The following ADGRD1 variants were observed in gnomAD, a reference collection of about 807,000 sequenced individuals.
ADGRD1 encodes the protein adhesion G protein-coupled receptor D1, also known as G-protein coupled receptor 133.
In ADGRD1, 77 loss-of-function variants were observed where a neutral mutation model predicts 113.4. The ratio of observed to expected loss-of-function variants is 0.68; its 90% CI spans 0.57 to 0.82. The LOEUF is 0.82. Ranked by LOEUF, ADGRD1 falls within the 40% of genes least tolerant of loss-of-function variation. ADGRD1 has a pLI of 0.00. For synonymous variants in ADGRD1, 474 were observed against 475.0 expected, an observed-to-expected ratio of 1.00 and a Z score of 0.03; for missense variants, 1,036 against 1,139.1, an observed-to-expected ratio of 0.91 and a Z score of 1.30.
intron 13 of ADGRD1, among the ~76,000 whole-genome samples, chr12:131,074,214 A>G (rs1036657186): frequency 6.6e-6 from 1 of 152,126 alleles, no homozygotes; most frequent in Non-Finnish European, 1.5e-5. Flanking sequence ...TTGTTGGAGC[A>G]CATCTCAGAT....
At chr12:131,033,250 G>A (rs1219977620) in intron 13 of ADGRD1, among the ~76,000 whole-genome samples, 2 of 151,862 alleles carry the variant, frequency 1.3e-5, no homozygotes, top group African/African-American at 4.8e-5. Context: ...TCTTGTTTTT[G>A]TGTGGCAGGG....
chr12:131,104,802 T>C, intron 15 of ADGRD1, 29 bp from the exon 16 acceptor site: 2 of 1,507,402 alleles, frequency 1.3e-6, no homozygotes, highest in Non-Finnish European at 1.8e-6. Context: ...CTGGGCCTGC[T>C]GCTGACGCCT....
intron 13 of ADGRD1, among the ~76,000 whole-genome samples, chr12:131,015,360 ATGCAGAGGGGACTGGAAT>A: frequency 6.6e-6 from 1 of 151,300 alleles, no homozygotes; most frequent in African/African-American, 2.4e-5. Context: ...GGGAATGGAG[ATGCAGAGGGGACTGGAAT>A]TGGAGATTGA....
chr12:131,029,763 T>C (rs10773837), intron 13 of ADGRD1, among the ~76,000 whole-genome samples: 1,543 of 6,650 alleles, frequency 0.23, 2 homozygotes, highest in Middle Eastern at 0.42. Context: ...GTGGACCCCT[T>C]GTTCGGTGAC....
chr12:131,082,353 A>G (rs1489243056), intron 14 of ADGRD1, among the ~76,000 whole-genome samples: 1 of 152,204 alleles, frequency 6.6e-6, no homozygotes, highest in African/African-American at 2.4e-5. Flanking sequence ...TTATTTATGC[A>G]CAAGCTGCAA....
intron 20 of ADGRD1, among the ~76,000 whole-genome samples, chr12:131,129,966 G>A (rs1168563447): frequency 6.6e-6 from 1 of 152,250 alleles, no homozygotes; most frequent in East Asian, 1.9e-4. Flanking sequence ...TCAGCCATCT[G>A]CAATTGAAAT....
At chr12:130,982,201 A>C (rs1873090000) in intron 5 of ADGRD1, 138 bp downstream of exon 5, 1 of 746,522 alleles carries the variant, frequency 1.3e-6, no homozygotes, top group Non-Finnish European at 2.2e-6. Context: ...CCTTTCCTTT[A>C]AGGGTTGTTG....
intron 10 of ADGRD1, 124 bp from the exon 11 acceptor site, chr12:131,004,062 A>G (rs1876762923): frequency 5.2e-6 from 3 of 582,170 alleles, no homozygotes; most frequent in Middle Eastern, 2.7e-4. Flanking sequence ...TTCTAAAGGT[A>G]ATTATACTTC....
At chr12:130,988,998 T>G (rs10732590) in intron 6 of ADGRD1, 142,158 of 152,262 alleles carry the variant, frequency 0.93, 67,133 homozygotes, top group East Asian at 1. Flanking sequence ...GACAATCAGG[T>G]ATGCTGGTCT....
chr12:130,982,105 G>C, intron 5 of ADGRD1, 42 bp downstream of exon 5: 3 of 1,535,314 alleles, frequency 2.0e-6, no homozygotes, highest in Non-Finnish European at 2.7e-6. Context: ...GCCTGGAGGA[G>C]TGGAGTCTTC....
chr12:131,018,056 C>T (rs1240017812), intron 13 of ADGRD1, among the ~76,000 whole-genome samples: 1 of 152,202 alleles, frequency 6.6e-6, no homozygotes, highest in East Asian at 1.9e-4. Flanking sequence ...CCTTGCAGGG[C>T]CGGCAGGTAG....
chr12:131,055,545 T>C (rs538480686), intron 13 of ADGRD1, among the ~76,000 whole-genome samples: 4 of 152,348 alleles, frequency 2.6e-5, no homozygotes, highest in Admixed American at 2.6e-4. Context: ...CGATTTACCT[T>C]GTTAAAAGTT....
intron 13 of ADGRD1, among the ~76,000 whole-genome samples, chr12:131,017,349 GTCCACACACACCCAGTGCACACAGTCCA>G (rs1878700925): frequency 3.3e-5 from 4 of 119,438 alleles, no homozygotes; most frequent in Admixed American, 8.5e-5. Flanking sequence ...CACACACCCA[GTCCACACACACCCAGTGCACACAGTCCA>G]CACACACCCA....
At chr12:131,010,539 T>TCTCCTCATAGATTTCAGCA (rs1877739972) in intron 12 of ADGRD1, among the ~76,000 whole-genome samples, 1 of 152,208 alleles carries the variant, frequency 6.6e-6, no homozygotes, top group African/African-American at 2.4e-5. Flanking sequence ...AGTCTCTGTG[T>TCTCCTCATAGATTTCAGCA]CTCCTCATAG....
chr12:131,108,911 G>A (rs762834410), intron 18 of ADGRD1, 34 bp downstream of exon 18: 17 of 1,329,962 alleles, frequency 1.3e-5, no homozygotes, highest in Admixed American at 1.8e-5. Flanking sequence ...ATGGCGGGGC[G>A]GGAGGGACAG....
At chr12:131,109,815 A>G (rs1195925) in intron 18 of ADGRD1, among the ~76,000 whole-genome samples, 23,128 of 152,200 alleles carry the variant, frequency 0.15, 2,051 homozygotes, top group Non-Finnish European at 0.2. Flanking sequence ...TCTGTCCATT[A>G]CTGAAGTATT....
chr12:131,050,925 C>T lies in ADGRD1; in HGVS notation c.1474-25876C>T, dbSNP rs866127095. Reference sequence around the variant, plus strand: ...TAGGAGGGGAGCTCAGGTGGGAATGCCTGCTTGCCCACCGCTCTGTGTGCT... The same window carrying T: ...TAGGAGGGGAGCTCAGGTGGGAATGTCTGCTTGCCCACCGCTCTGTGTGCT... On this transcript the variant is annotated intron_variant, in intron 13 of 24. Coordinates refer to ENST00000261654, the MANE Select transcript of ADGRD1 (RefSeq NM_198827.5). The surrounding 1 kb of genome is among the most constrained non-coding windows in gnomAD (Gnocchi z 4.8). 6.6e-6 allele frequency among the ~76,000 whole-genome samples: 1 copy of T among 152,172 alleles called. No individual in the cohort carries two copies. The highest frequency in any genetic ancestry group is 2.4e-5 in the African/African-American group (1 of 41,440).
At chr12:131,074,449 C>T (rs563108866) in intron 13 of ADGRD1, among the ~76,000 whole-genome samples, 33 of 152,304 alleles carry the variant, frequency 2.2e-4, no homozygotes, top group Non-Finnish European at 2.8e-4. Context: ...AGGGAGGGAG[C>T]GCCTCATTCC....
intron 6 of ADGRD1, chr12:130,987,578 A>G: frequency 1.7e-6 from 1 of 579,996 alleles, no homozygotes; most frequent in Non-Finnish European, 3.1e-6. Context: ...TCTGTTGATC[A>G]TCACGGGGTT....
Sources: gnomAD v4.1 joint callset for allele counts (sites outside exome capture counted in the v4.1 genomes callset) on GRCh38, gnomAD v4.1.1 for gene constraint, Gnocchi (gnomAD v3.1) non-coding constraint, MANE v1.5 for transcripts, NCBI Gene and HGNC (gene_info 2026-07-23, HGNC 2026-07-21) for gene names.